The following CUL4B variants were observed in gnomAD, a reference collection of about 807,000 sequenced individuals.
CUL4B encodes the protein cullin 4B.
CUL4B carries 1 observed loss-of-function variant against 69.2 expected under a neutral mutation model. That is an observed-to-expected ratio of 0.01 (90% CI 0.01 to 0.07). The LOEUF (loss-of-function observed/expected upper bound fraction) is 0.07. Among genes scored for constraint, CUL4B ranks in the 10% least tolerant of loss-of-function variants. The probability of loss-of-function intolerance (pLI) is 1.00; values close to 1 mark genes in which losing one functional copy is unlikely to be tolerated. For missense variants in CUL4B, 328 were observed against 638.8 expected (o/e 0.51, Z 5.24); for synonymous variants, 237 against 223.2 (o/e 1.06, Z -0.55).
downstream of CUL4B, among the ~76,000 whole-genome samples, chrX:120,567,443 T>C (rs184395972): frequency 9.1e-6 from 1 of 110,447 alleles, no homozygotes; most frequent in Non-Finnish European, 1.9e-5. Flanking sequence ...TAGATTTAAA[T>C]CCAGGGTTCC....
upstream of CUL4B, among the ~76,000 whole-genome samples, chrX:120,563,947 G>T (rs926201649): frequency 8.9e-6 from 1 of 112,253 alleles, no homozygotes; most frequent in Non-Finnish European, 1.9e-5. Context: ...AGTAATAATA[G>T]TTCCCTATCT....
intron 9 of CUL4B, 81 bp from the exon 10 acceptor site, chrX:120,541,801 A>G: frequency 1.6e-6 from 1 of 633,619 alleles, no homozygotes; most frequent in Non-Finnish European, 2.7e-6. Flanking sequence ...ATAAAATTTG[A>G]GTTATAATCA....
intron 2 of CUL4B, among the ~76,000 whole-genome samples, chrX:120,555,121 ACAG>A (rs1924887291): frequency 8.9e-6 from 1 of 112,539 alleles, no homozygotes; most frequent in African/African-American, 3.2e-5. Flanking sequence ...CAACTGAACA[ACAG>A]CAGGTAAAAC....
chrX:120,546,384 AAAAT>A (rs1452410687), intron 4 of CUL4B, among the ~76,000 whole-genome samples, 159 bp downstream of exon 4: 6 of 111,192 alleles, frequency 5.4e-5, no homozygotes, highest in East Asian at 2.8e-4. Flanking sequence ...GGGAAAATAA[AAAAT>A]AAATAAATTT....
rs1275744512 is a variant in CUL4B at position 120,525,790 on chromosome X, G to A, written c.*971C>T. On this transcript the variant is annotated 3_prime_UTR_variant, in exon 20 of 20. Transcript: ENST00000371322. ...AGAAAATAGGAATGCTAAATCCTAG[G>A]AAGCCTGTAACAATCTACAATTGGT... 8.9e-6 allele frequency: 1 copy of A among 111,763 alleles called. No individual in the cohort carries two copies. Among genetic ancestry groups the A allele is most frequent in the Non-Finnish European group, 1.9e-5 (1 of 53,135 alleles). The allele number at this position is 111,763 out of a possible 1,213,427, so 9.2% of individuals were successfully genotyped here.
At chrX:120,552,530 G>C (rs1924749875) in intron 2 of CUL4B, among the ~76,000 whole-genome samples, 1 of 111,698 alleles carries the variant, frequency 9.0e-6, no homozygotes, top group South Asian at 3.7e-4. Flanking sequence ...ATCCTTTGAA[G>C]GTACTTAGGT....
At chrX:120,544,231 C>A in intron 6 of CUL4B, 28 bp from the exon 7 acceptor site, 1 of 1,040,847 alleles carries the variant, frequency 9.6e-7, no homozygotes, top group South Asian at 1.9e-5. Flanking sequence ...TGAAGGAGAT[C>A]ATTTATTTAG....
chrX:120,560,494 T>G lies in CUL4B; in HGVS notation c.145A>C (p.Ser49Arg). 1 of 1,210,251 alleles carries G rather than the reference T, an allele frequency of 8.3e-7. No homozygotes were observed. Among genetic ancestry groups the G allele is most frequent in the Non-Finnish European group, 1.1e-6 (1 of 894,599 alleles). ...TCTTCTCTCTCGTTACTACTGTTACTGCTGCTACTGCTGCTGCTGTTTAAC... is the reference window on the plus strand; with the variant it reads ...TCTTCTCTCTCGTTACTACTGTTACGGCTGCTACTGCTGCTGCTGTTTAAC... ...RKLNSSSSSS[S>R]NSSNEREDFD... The change falls in exon 1 of 20, where the codon AGT becomes CGT. Residue 49 changes from serine (S) to arginine (R), a missense_variant. Ser to Arg is a moderately radical substitution (Grantham distance 110). Coordinates refer to ENST00000371322, the MANE Select transcript of CUL4B (RefSeq NM_001079872.2).
At chrX:120,564,661 C>T (rs912871926), upstream of CUL4B, among the ~76,000 whole-genome samples, 1 of 112,324 alleles carries the variant, frequency 8.9e-6, no homozygotes, top group African/African-American at 3.2e-5. Context: ...ACATCAAGAA[C>T]CAACTAATTG....
chrX:120,564,577 G>A (rs757200154), upstream of CUL4B, among the ~76,000 whole-genome samples: 7 of 111,850 alleles, frequency 6.3e-5, no homozygotes, highest in South Asian at 2.6e-3. Flanking sequence ...CTACACTCCT[G>A]CCTGGGCAAC....
Position 120,542,982 on chromosome X carries a change from T to C in CUL4B, c.1308A>G (p.Thr436=), listed in dbSNP as rs767678634. Residue 436 remains threonine (T), a synonymous_variant, in exon 9 of 20, where the codon ACA becomes ACG. Transcript: ENST00000371322. ...GCCAATTACCTTTCTGAAGAATTGC[T>C]GTTAAGTGTTCACCTAGAAGTTGTT... is the stretch of plus-strand genomic sequence containing the variant. The part of the protein sequence containing the change: ...VEKQLLGEHL[T]AILQKGLNNL... The C allele has an allele frequency of 3.3e-6, 4 of 1,198,920 alleles. No homozygotes were observed. The Admixed American group carries it at 8.7e-5, about 26-fold the overall frequency.
rs1029261340 is a variant in CUL4B at position 120,560,336 on chromosome X, C to T, written c.303G>A (p.Leu101=). 8.3e-7 allele frequency: 1 copy of T among 1,210,532 alleles called. No individual in the cohort carries two copies. Among genetic ancestry groups the T allele is most frequent in the African/African-American group, 1.7e-5 (1 of 57,755 alleles). ...ASSHVPIQKK[L]RFEDTLEFVG... ...CAAACTCCAGGGTGTCTTCAAAACG[C>T]AGCTTCTTCTGTATCGGTACGTGGC... is the stretch of plus-strand genomic sequence containing the variant. Residue 101 remains leucine (L), a synonymous_variant, in exon 1 of 20, where the codon CTG becomes CTA. Coordinates refer to ENST00000371322, the MANE Select transcript of CUL4B (RefSeq NM_001079872.2).
chrX:120,570,961 G>A (rs1202555189), downstream of CUL4B, among the ~76,000 whole-genome samples: 1 of 106,513 alleles, frequency 9.4e-6, no homozygotes, highest in Non-Finnish European at 1.9e-5. Flanking sequence ...GGAGGCTGAG[G>A]CAGGAGGATC....
chrX:120,534,506 T>G lies in CUL4B; in HGVS notation c.2241A>C (p.Glu747Asp). 8.3e-7 allele frequency: 1 copy of G among 1,204,231 alleles called. No homozygotes were observed. Among genetic ancestry groups the G allele is most frequent in the East Asian group, 3.0e-5 (1 of 33,730 alleles). ...MFNEGEEFSL[E>D]EIKQATGIED... ...CTATTCCAGTTGCCTGCTTGATCTC[T>G]TCTAAACTGAACTCCTCTCCCTCAT... Residue 747 changes from glutamate to aspartate, a missense_variant, in exon 17 of 20, where the codon GAA becomes GAC. Around this residue, in one of 4 missense-constraint regions of CUL4B, gnomAD observed 98 missense variants for 296.8 expected, o/e 0.33. Transcript: ENST00000371322.
At chrX:120,563,470 C>G (rs1255390917), upstream of CUL4B, among the ~76,000 whole-genome samples, 1 of 111,652 alleles carries the variant, frequency 9.0e-6, no homozygotes, top group Non-Finnish European at 1.9e-5. Context: ...CTCCTGGCCT[C>G]AAGTGATCCG....
rs756739337 is a variant in CUL4B, at chrX:120,558,031, T to C, written c.565A>G (p.Lys189Glu). Residue 189 changes from lysine to glutamate, a missense_variant, in exon 2 of 20, where the codon AAA (lysine) becomes GAA (glutamate). Physicochemically the swap from Lys to Glu is moderately conservative, Grantham distance 56. Coordinates refer to ENST00000371322, the MANE Select transcript of CUL4B (RefSeq NM_001079872.2). The part of the protein sequence containing the change: ...LVIKNFKDKP[K>E]LPENYTDETW... ...TCATCTGTGTAGTTTTCTGGTAATT[T>C]AGGCTTATCTAGATGATATGTAAAA... 8.6e-7 allele frequency: 1 copy of C among 1,158,109 alleles called. No individual in the cohort carries two copies. Among genetic ancestry groups the C allele is most frequent in the Non-Finnish European group, 1.2e-6 (1 of 847,934 alleles).
chrX:120,542,486 G>C (rs1263218631), intron 9 of CUL4B, among the ~76,000 whole-genome samples: 1 of 111,876 alleles, frequency 8.9e-6, no homozygotes, highest in East Asian at 2.8e-4. Context: ...AAATTCACTT[G>C]GGATTAGAAG....
At chrX:120,561,356 G>A, upstream of CUL4B, 1 of 565,419 alleles carries the variant, frequency 1.8e-6, no homozygotes, top group Non-Finnish European at 3.3e-6. Context: ...GAAGCTTCGC[G>A]CCGCAGCGCC....
downstream of CUL4B, among the ~76,000 whole-genome samples, chrX:120,570,288 A>G (rs946521409): frequency 6.2e-5 from 7 of 112,182 alleles, no homozygotes; most frequent in Non-Finnish European, 1.1e-4. Flanking sequence ...AATAAGAACC[A>G]CAATACTGGG....
Sources: allele counts gnomAD v4.1 joint callset (sites outside exome capture counted in the v4.1 genomes callset), GRCh38; gene constraint gnomAD v4.1.1; regional missense constraint gnomAD v4.1.1; transcripts MANE v1.5; gene names NCBI Gene and HGNC (gene_info 2026-07-23, HGNC 2026-07-21).